Variants in PPP2R1B observed in about 807,000 individuals in gnomAD.
The protein encoded by PPP2R1B is protein phosphatase 2 scaffold subunit Abeta.
In PPP2R1B, 58 loss-of-function variants were observed where a neutral mutation model predicts 72.7. The ratio of observed to expected loss-of-function variants is 0.80; its 90% CI spans 0.65 to 0.99. The LOEUF is 0.99. Among genes scored for constraint, PPP2R1B ranks in the 50% least tolerant of loss-of-function variants. The probability of loss-of-function intolerance (pLI) is 0.00; values close to 1 mark genes in which losing one functional copy is unlikely to be tolerated. For missense variants in PPP2R1B, 695 were observed against 733.6 expected (o/e 0.95, Z 0.61); for synonymous variants, 256 against 264.6 (o/e 0.97, Z 0.32).
downstream of PPP2R1B, chr11:111,724,232 A>T (rs796569679): frequency 2.1e-6 from 3 of 1,431,298 alleles, no homozygotes; most frequent in African/African-American, 4.2e-5. Flanking sequence ...CCCTCTCCCT[A>T]ACGGGGAGAA....
At chr11:111,692,723 A>G in the PPP2R1B span, among the ~76,000 whole-genome samples, 326 of 152,250 alleles carry the variant, frequency 2.1e-3, no homozygotes, top group African/African-American at 7.2e-3. Flanking sequence ...TTAAATCTTA[A>G]TGGAATCTAA....
chr11:111,704,050 A>ATTCT, the PPP2R1B span, among the ~76,000 whole-genome samples: 1 of 152,238 alleles, frequency 6.6e-6, no homozygotes, highest in Non-Finnish European at 1.5e-5. Context: ...GAAGAAACAT[A>ATTCT]ACAAGAAAGA....
At chr11:111,692,471 G>A in the PPP2R1B span, among the ~76,000 whole-genome samples, 3 of 151,002 alleles carry the variant, frequency 2.0e-5, no homozygotes, top group Non-Finnish European at 4.4e-5. Context: ...CACATGCAAA[G>A]GCTGAGAGGC....
chr11:111,746,315 T>C (rs1944701887), intron 11 of PPP2R1B, among the ~76,000 whole-genome samples: 1 of 152,176 alleles, frequency 6.6e-6, no homozygotes, highest in Non-Finnish European at 1.5e-5. Flanking sequence ...TGAGTTCATG[T>C]CCTTTGCAGG....
the PPP2R1B span, among the ~76,000 whole-genome samples, chr11:111,691,797 A>G: frequency 6.6e-6 from 1 of 152,218 alleles, no homozygotes; most frequent in East Asian, 1.9e-4. Context: ...CTGCTCTTGG[A>G]CTAAGTCCTG....
chr11:111,730,767 T>A (rs1459479186), intron 15 of PPP2R1B: 1 of 152,226 alleles, frequency 6.6e-6, no homozygotes, highest in Non-Finnish European at 1.5e-5. Flanking sequence ...AATAGTAATT[T>A]AAATGGGGTA....
At chr11:111,736,666 C>G (rs1294871760), downstream of PPP2R1B, among the ~76,000 whole-genome samples, 2 of 152,096 alleles carry the variant, frequency 1.3e-5, no homozygotes, top group Non-Finnish European at 2.9e-5. Context: ...TGGACCTCAA[C>G]AAAAGGCAAA....
At chr11:111,697,780 G>A in the PPP2R1B span, among the ~76,000 whole-genome samples, 62 of 151,986 alleles carry the variant, frequency 4.1e-4, no homozygotes, top group African/African-American at 1.4e-3. Flanking sequence ...CACTTGAGCC[G>A]AGGAGTTTAA....
At chr11:111,716,431 G>C in the PPP2R1B span, among the ~76,000 whole-genome samples, 1 of 152,018 alleles carries the variant, frequency 6.6e-6, no homozygotes, top group Non-Finnish European at 1.5e-5. Flanking sequence ...ACAAAAATTA[G>C]CCAGGCATGG....
chr11:111,730,646 T>C (rs1156593911), intron 15 of PPP2R1B: 2 of 152,082 alleles, frequency 1.3e-5, no homozygotes, highest in Non-Finnish European at 2.9e-5. Context: ...TTTGGTATTA[T>C]GAGTGCAAAT....
At chr11:111,708,534 T>G in the PPP2R1B span, among the ~76,000 whole-genome samples, 5 of 152,116 alleles carry the variant, frequency 3.3e-5, no homozygotes. Context: ...TTAGAAAAAA[T>G]ACGTCATATT....
chr11:111,740,095 A>G lies in PPP2R1B; in HGVS notation c.*1501T>C, dbSNP rs1944468019. On this transcript the variant is annotated 3_prime_UTR_variant, in exon 15 of 15. Coordinates refer to ENST00000527614, the MANE Select transcript of PPP2R1B (RefSeq NM_002716.5). ...TTAAAAGAGGTTGTGAACAAAATCA[A>G]CAATTCAAAAACCAAAAGGGTAACA... The G allele has an allele frequency of 6.1e-6, 6 of 985,474 alleles. No homozygotes were observed. The highest frequency in any genetic ancestry group is 7.2e-6 in the Non-Finnish European group (6 of 829,926). 61.0% of individuals were successfully genotyped at this position (985,474 alleles called of 1,614,324 possible).
intron 1 of PPP2R1B, 88 bp downstream of exon 1, chr11:111,766,160 G>T: frequency 7.6e-7 from 1 of 1,318,554 alleles, no homozygotes; most frequent in Non-Finnish European, 1.1e-6. Context: ...TCAGTACCTC[G>T]GCCACCCCCA....
At chr11:111,733,700 G>A (rs769361312), downstream of PPP2R1B, among the ~76,000 whole-genome samples, 15 of 152,152 alleles carry the variant, frequency 9.9e-5, 1 homozygote, top group Admixed American at 2.0e-4. Context: ...CTCCCGGAGC[G>A]CACAGCCTTG....
chr11:111,761,272 T>G (rs1555051376), intron 3 of PPP2R1B: 1 of 664,018 alleles, frequency 1.5e-6, no homozygotes, highest in South Asian at 1.5e-5. Flanking sequence ...GTGTCCCAGA[T>G]GGCAATTCCC....
the PPP2R1B span, among the ~76,000 whole-genome samples, chr11:111,700,053 C>G: frequency 6.6e-6 from 1 of 152,130 alleles, no homozygotes; most frequent in Non-Finnish European, 1.5e-5. Flanking sequence ...TTTGTTTCTT[C>G]GGTAAGAATA....
intron 6 of PPP2R1B, 42 bp from the exon 7 acceptor site, chr11:111,755,136 A>G: frequency 6.4e-7 from 1 of 1,554,528 alleles, no homozygotes; most frequent in Non-Finnish European, 8.8e-7. Flanking sequence ...TACTAACAAA[A>G]GAATTAACAA....
At chr11:111,719,633 G>A in the PPP2R1B span, 1 of 829,622 alleles carries the variant, frequency 1.2e-6, no homozygotes, top group Admixed American at 2.3e-5. Context: ...TAATCTATGT[G>A]TTGTCATGCA....
At chr11:111,712,485 C>A in the PPP2R1B span, 1 of 1,156,356 alleles carries the variant, frequency 8.6e-7, no homozygotes, top group Non-Finnish European at 1.2e-6. Context: ...CGTTAAGTCA[C>A]TCAGGAGTGA....
Sources: allele counts gnomAD v4.1 joint callset (sites outside exome capture counted in the v4.1 genomes callset), GRCh38; gene constraint gnomAD v4.1.1; transcripts MANE v1.5; gene names NCBI Gene and HGNC (gene_info 2026-07-23, HGNC 2026-07-21).